Variants in THADA observed in about 807,000 individuals in gnomAD.
THADA encodes THADA armadillo repeat containing.
Under a neutral mutation model 219.8 loss-of-function variants are expected in THADA, and 213 were observed. The observed-to-expected ratio is 0.97, with a 90% confidence interval of 0.87 to 1.09. The LOEUF (loss-of-function observed/expected upper bound fraction) is 1.09. Ranked by LOEUF, THADA falls within the 50% of genes least tolerant of loss-of-function variation. THADA has a pLI of 0.00. For missense variants in THADA, 2,956 were observed against 2,311.3 expected, an observed-to-expected ratio of 1.28 and a Z score of -5.72; for synonymous variants, 1,018 against 828.9, an observed-to-expected ratio of 1.23 and a Z score of -3.92.
intron 29 of THADA, among the ~76,000 whole-genome samples, chr2:43,381,065 T>C (rs1573369128): frequency 8.5e-6 from 1 of 117,466 alleles, no homozygotes; most frequent in Non-Finnish European, 1.6e-5. Flanking sequence ...GCCACTACAC[T>C]CCAGCCCGGG....
chr2:43,295,580 GGC>G (rs1301158447), intron 31 of THADA, among the ~76,000 whole-genome samples: 1 of 152,152 alleles, frequency 6.6e-6, no homozygotes, highest in Non-Finnish European at 1.5e-5. Context: ...ATCCTGGATT[GGC>G]TTACCAGACA....
At chr2:43,521,557 A>G (rs930481249) in intron 22 of THADA, among the ~76,000 whole-genome samples, 3 of 152,130 alleles carry the variant, frequency 2.0e-5, no homozygotes, top group Non-Finnish European at 4.4e-5. Context: ...CTCCAGCTCA[A>G]AAAAAAGGTA....
Position 43,508,780 on chromosome 2 carries a change from C to A in THADA, c.3375G>T (p.Arg1125Ser), listed in dbSNP as rs1046670247. Reference sequence around the variant, plus strand: ...GCTTTTGCAGACTCACATTTGGGCACCTAAAAGGCATATATAATCAAATAT... The same window carrying A: ...GCTTTTGCAGACTCACATTTGGGCAACTAAAAGGCATATATAATCAAATAT... ...GFVKLTEVLN[R>S]CPNVSLQKLP... Residue 1125 changes from arginine (R) to serine (S), a missense_variant and splice_region_variant, in exon 23 of 38, where the codon AGG becomes AGT. Arg to Ser is a moderately radical substitution (Grantham distance 110). Coordinates refer to ENST00000405975, the MANE Select transcript of THADA (RefSeq NM_022065.5). 8 of 1,612,010 alleles carry A rather than the reference C, an allele frequency of 5.0e-6. No homozygotes were observed. In the Middle Eastern group the frequency reaches 8.3e-4, roughly 166 times the overall value.
chr2:43,327,257 T>C lies in THADA; in HGVS notation c.4344-6717A>G, dbSNP rs561200016. Reference sequence around the variant, plus strand: ...GGTAGTTCTCTTATCTTAGCTCCTATTTAAGCAGCTCAGATCACTTCTGTT... The same window carrying C: ...GGTAGTTCTCTTATCTTAGCTCCTACTTAAGCAGCTCAGATCACTTCTGTT... On this transcript the variant is annotated intron_variant, in intron 30 of 37. Coordinates refer to ENST00000405975, the MANE Select transcript of THADA (RefSeq NM_022065.5). Among the ~76,000 whole-genome samples the C allele has an allele frequency of 7.4e-4, 113 of 152,242 alleles. 1 individual carries two copies. The highest frequency in any genetic ancestry group is 2.6e-3 in the African/African-American group (108 of 41,548).
intron 28 of THADA, among the ~76,000 whole-genome samples, chr2:43,411,202 A>G (rs1218784239): frequency 6.6e-6 from 1 of 152,350 alleles, no homozygotes; most frequent in South Asian, 2.1e-4. Flanking sequence ...CAGGCTCACA[A>G]AGGGAATGAA....
intron 36 of THADA, among the ~76,000 whole-genome samples, chr2:43,274,529 A>G (rs1161834449): frequency 1.3e-5 from 2 of 152,236 alleles, no homozygotes; most frequent in Non-Finnish European, 2.9e-5. Flanking sequence ...AGCACAGGAA[A>G]GGGAAAATGA....
chr2:43,560,405 A>C lies in THADA; in HGVS notation c.2312-20T>G. On this transcript the variant is annotated intron_variant, in intron 15 of 37. Coordinates refer to ENST00000405975, the MANE Select transcript of THADA (RefSeq NM_022065.5). The stretch of plus-strand genomic sequence containing the variant: ...TTCTGCCTAAAAATATTTTAAAAAC[A>C]AAAAGATTTAAAAGTGAACAAAAAG... 6.8e-7 allele frequency: 1 copy of C among 1,475,792 alleles called. No homozygotes were observed. The highest frequency in any genetic ancestry group is 9.0e-7 in the Non-Finnish European group (1 of 1,106,292). 91.4% of individuals were successfully genotyped at this position (1,475,792 alleles called of 1,614,324 possible).
chr2:43,353,574 T>A, intron 29 of THADA, among the ~76,000 whole-genome samples: 1 of 152,238 alleles, frequency 6.6e-6, no homozygotes, highest in East Asian at 1.9e-4. Context: ...GAGTTACTCA[T>A]AAATCTTAGA....
At chr2:43,389,173 G>C (rs1673056108) in intron 29 of THADA, among the ~76,000 whole-genome samples, 1 of 152,182 alleles carries the variant, frequency 6.6e-6, no homozygotes, top group Non-Finnish European at 1.5e-5. Context: ...GTAAGCAGCA[G>C]AGCTAGGATC....
chr2:43,540,517 T>C (rs942816612), intron 21 of THADA, among the ~76,000 whole-genome samples: 6 of 152,170 alleles, frequency 3.9e-5, no homozygotes, highest in Non-Finnish European at 7.4e-5. Flanking sequence ...ATGTTATATA[T>C]CTTTGCTGAA....
rs1320431452 is a variant in THADA at position 43,257,023 on chromosome 2, A to T, written c.5296+22742T>A. ...TCAGTATTCTCTCTCCAAGATGGCA[A>T]CTGTCCTTCAAAGTTTTCTTCCCAG... On this transcript the variant is annotated intron_variant, in intron 36 of 37. Coordinates refer to ENST00000405975, the MANE Select transcript of THADA (RefSeq NM_022065.5). 2.0e-5 allele frequency among the ~76,000 whole-genome samples: 3 copies of T among 152,228 alleles called. No homozygotes were observed. The East Asian group carries it at 5.8e-4, about 29-fold the overall frequency.
chr2:43,587,600 T>G (rs1478245273), intron 4 of THADA, among the ~76,000 whole-genome samples: 1 of 152,208 alleles, frequency 6.6e-6, no homozygotes, highest in African/African-American at 2.4e-5. Flanking sequence ...CTCAATTACC[T>G]TATCATGTCT....
chr2:43,365,597 A>ACACACACACG (rs1310363770), intron 29 of THADA, among the ~76,000 whole-genome samples: 7 of 151,068 alleles, frequency 4.6e-5, no homozygotes, highest in Non-Finnish European at 8.8e-5. Context: ...ACACACACAC[A>ACACACACACG]CGCACAAAAT....
At chr2:43,381,601 G>T (rs1428098742) in intron 29 of THADA, among the ~76,000 whole-genome samples, 18 of 143,848 alleles carry the variant, frequency 1.3e-4, no homozygotes, top group Non-Finnish European at 2.3e-4. Flanking sequence ...TTTTTTTTCC[G>T]ACGGAGTCTC....
intron 36 of THADA, among the ~76,000 whole-genome samples, chr2:43,251,750 A>G (rs1669828085): frequency 6.6e-6 from 1 of 152,212 alleles, no homozygotes; most frequent in Admixed American, 6.5e-5. Context: ...TGGCTTTCTC[A>G]GAAATCTACT....
chr2:43,549,246 T>C lies in THADA; in HGVS notation c.3070A>G (p.Ser1024Gly), dbSNP rs1247166376. 1.3e-6 allele frequency: 2 copies of C among 1,589,622 alleles called. No individual in the cohort carries two copies. Among genetic ancestry groups the C allele is most frequent in the Middle Eastern group, 1.7e-4 (1 of 6,028 alleles). Residue 1024 changes from serine (S) to glycine (G), a missense_variant, in exon 20 of 38, where the codon AGT becomes GGT. By Grantham distance (56) the Ser-to-Gly change is moderately conservative. Coordinates refer to ENST00000405975, the MANE Select transcript of THADA (RefSeq NM_022065.5). ...GTAGAAGTATCAATATTCACCACACTAGCATTCAAGTCCTTCATATCAAAG... is the reference window on the plus strand; with the variant it reads ...GTAGAAGTATCAATATTCACCACACCAGCATTCAAGTCCTTCATATCAAAG... Reference protein sequence around the residue: ...DSFDMKDLNASVVNIDTSTEI... With the variant: ...DSFDMKDLNAGVVNIDTSTEI...
intron 32 of THADA, 52 bp downstream of exon 32, chr2:43,292,782 A>G: frequency 6.4e-7 from 1 of 1,565,290 alleles, no homozygotes; most frequent in Non-Finnish European, 8.6e-7. Flanking sequence ...CCAGTGGCTC[A>G]CAAAAGAATG....
chr2:43,282,644 G>A (rs1354338357), intron 35 of THADA, among the ~76,000 whole-genome samples: 1 of 152,184 alleles, frequency 6.6e-6, no homozygotes, highest in Non-Finnish European at 1.5e-5. Flanking sequence ...GGAGAGGGCA[G>A]GGTTGGGGTT....
At chr2:43,392,516 G>A (rs762914241) in intron 29 of THADA, among the ~76,000 whole-genome samples, 1 of 152,010 alleles carries the variant, frequency 6.6e-6, no homozygotes, top group African/African-American at 2.4e-5. Context: ...CTAGCTGGCC[G>A]AACTAGCCTA....
Sources: allele counts gnomAD v4.1 joint callset (sites outside exome capture counted in the v4.1 genomes callset), GRCh38; gene constraint gnomAD v4.1.1; transcripts MANE v1.5; gene names NCBI Gene and HGNC (gene_info 2026-07-23, HGNC 2026-07-21).